Variants in ESYT3 observed in about 807,000 individuals in gnomAD.
The protein encoded by ESYT3 is extended synaptotagmin 3.
In ESYT3, 101 loss-of-function variants were observed where a neutral mutation model predicts 111.5. That is an observed-to-expected ratio of 0.91 (90% CI 0.77 to 1.07). ESYT3 has a LOEUF of 1.07. Among genes scored for constraint, ESYT3 ranks in the 50% least tolerant of loss-of-function variants. The pLI, the probability that ESYT3 is intolerant of heterozygous loss-of-function variation, is 0.00. For synonymous variants in ESYT3, 416 were observed against 446.8 expected (o/e 0.93, Z 0.87); for missense variants, 1,097 against 1,109.4 (o/e 0.99, Z 0.16).
intron 1 of ESYT3, among the ~76,000 whole-genome samples, chr3:138,444,201 C>T (rs1331317829): frequency 6.6e-6 from 1 of 152,180 alleles, no homozygotes; most frequent in African/African-American, 2.4e-5. Context: ...TATTAGATCA[C>T]TTTGCCTGGA....
intron 14 of ESYT3, 197 bp from the exon 15 acceptor site, chr3:138,469,239 T>G (rs1038584143): frequency 1.7e-6 from 1 of 603,370 alleles, no homozygotes; most frequent in Admixed American, 3.0e-5. Context: ...GGAACTGCTT[T>G]CTGGGGTTGG....
rs1208019430 is a variant in ESYT3, at chr3:138,435,208, CGCGCAAACCCGAGGCAGG to C, written c.327+87_327+104del. On this transcript the variant is annotated intron_variant, in intron 1 of 22. Coordinates refer to ENST00000389567, the MANE Select transcript of ESYT3 (RefSeq NM_031913.5). This position sits in a 1 kb window ranked among gnomAD's most constrained non-coding sequence, Gnocchi z 4.8. ...ACTTGCGGTCAGCGGGGAGCTGGTG[CGCGCAAACCCGAGGCAGG>C]GCGGGAGCCCGGCGACCTGCACACC... The C allele has an allele frequency of 1.3e-5, 18 of 1,339,644 alleles. No homozygotes were observed. The highest frequency in any genetic ancestry group is 1.8e-5 in the Non-Finnish European group (18 of 999,394). 83.0% of individuals were successfully genotyped at this position (1,339,644 alleles called of 1,614,324 possible).
downstream of ESYT3, chr3:138,481,212 A>G (rs2033682233): frequency 6.6e-6 from 1 of 152,212 alleles, no homozygotes; most frequent in African/African-American, 2.4e-5. Context: ...AAGACCACAC[A>G]TCTCTCCGTG....
chr3:138,468,684 C>T lies in ESYT3; in HGVS notation c.1338C>T (p.Leu446=), dbSNP rs745314391. The change falls in exon 13 of 23, where the codon CTC becomes CTT. Residue 446 remains leucine (L), a synonymous_variant. Transcript: ENST00000389567. ...EDHGGLSTAI[L]VVFLESACNL... ...ATGGTGGCCTTTCCACTGCCATTCT[C>T]GTGGTCTTCTTGGAGAGTGCCTGCA... 1.7e-5 allele frequency: 28 copies of T among 1,614,020 alleles called. No individual in the cohort carries two copies. Among genetic ancestry groups the T allele is most frequent in the African/African-American group, 6.7e-5 (5 of 74,894 alleles).
intron 2 of ESYT3, among the ~76,000 whole-genome samples, chr3:138,453,969 T>C (rs1353152606): frequency 1.3e-5 from 2 of 152,354 alleles, no homozygotes; most frequent in Admixed American, 6.5e-5. Context: ...CCCCGCTGTG[T>C]GCTACCATGC....
rs1177396818 is a variant in ESYT3 at position 138,440,878 on chromosome 3, G to C, written c.327+5753G>C. Among the ~76,000 whole-genome samples, 1 of 152,194 alleles carries C rather than the reference G, an allele frequency of 6.6e-6. No individual in the cohort carries two copies. The highest frequency in any genetic ancestry group is 2.4e-5 in the African/African-American group (1 of 41,436). On this transcript the variant is annotated intron_variant, in intron 1 of 22. Transcript: ENST00000389567. This position sits in a 1 kb window ranked among gnomAD's most constrained non-coding sequence, Gnocchi z 4.2. ...TTATCGAGAACTTGCAGTGTGTCAG[G>C]CACAGAGCTGCAGGCGGGGCAGCAT...
At position 138,436,566 on chromosome 3, in the gene ESYT3, T is replaced by C. The variant is rs892238400; in HGVS notation, c.327+1441T>C. Among the ~76,000 whole-genome samples the C allele has an allele frequency of 4.6e-5, 7 of 152,234 alleles. No individual in the cohort carries two copies. The East Asian group carries it at 1.3e-3, about 29-fold the overall frequency. On this transcript the variant is annotated intron_variant, in intron 1 of 22. Transcript: ENST00000389567. ...GCAAATAGCTTACATATTTGGGGGA[T>C]GAGGGGCCAAAGACTCTTCCTGATA...
At position 138,434,842 on chromosome 3, in the gene ESYT3, TGGGAGCCCAGCGCACGCCGGGCCCCGA is replaced by T. The variant is rs2030503042; in HGVS notation, c.46_72del (p.Gly16_Glu24del). 5 of 1,552,206 alleles carry T rather than the reference TGGGAGCCCAGCGCACGCCGGGCCCCGA, an allele frequency of 3.2e-6. No individual in the cohort carries two copies. The highest frequency in any genetic ancestry group is 4.4e-6 in the Non-Finnish European group (5 of 1,148,702). ...TGCGCCCCCGGGGCCCCCAGCGCCC[TGGGAGCCCAGCGCACGCCGGGCCCCGA>T]GCTGCGCCTGTCCAGCCAGCTGCTG... On this transcript the variant is annotated inframe_deletion, in exon 1 of 23. Transcript: ENST00000389567.
intron 14 of ESYT3, chr3:138,469,233 C>T (rs1477480223): frequency 3.3e-6 from 2 of 600,712 alleles, no homozygotes; most frequent in Non-Finnish European, 5.9e-6. Flanking sequence ...TAACTTGGAA[C>T]TGCTTTCTGG....
chr3:138,470,929 G>A lies in ESYT3; in HGVS notation c.1643G>A (p.Cys548Tyr). Residue 548 changes from cysteine (C) to tyrosine (Y), a missense_variant, in exon 17 of 23, where the codon TGC becomes TAC. By Grantham distance (194) the Cys-to-Tyr change is radical. Transcript: ENST00000389567. ...CTGGGAATGCTGGAGGTCCCCCTGT[G>A]CCAGATCCTCCCCTATGCTGACCTC... ...CALGMLEVPL[C>Y]QILPYADLTL... 1 of 1,614,120 alleles carries A rather than the reference G, an allele frequency of 6.2e-7. No individual in the cohort carries two copies. The highest frequency in any genetic ancestry group is 8.5e-7 in the Non-Finnish European group (1 of 1,180,026).
At chr3:138,437,588 A>C (rs1379198649) in intron 1 of ESYT3, among the ~76,000 whole-genome samples, 2 of 152,142 alleles carry the variant, frequency 1.3e-5, no homozygotes, top group African/African-American at 4.8e-5. Context: ...AAGTTGAGGC[A>C]GACTTGATGG....
intron 9 of ESYT3, among the ~76,000 whole-genome samples, chr3:138,464,736 A>C (rs1484747590): frequency 6.6e-6 from 1 of 152,176 alleles, no homozygotes; most frequent in Non-Finnish European, 1.5e-5. Context: ...ACTTTGTTAG[A>C]AGTTAACAAA....
chr3:138,460,412 G>A (rs529933060), intron 6 of ESYT3, among the ~76,000 whole-genome samples, 199 bp from the exon 7 acceptor site: 1 of 152,154 alleles, frequency 6.6e-6, no homozygotes, highest in African/African-American at 2.4e-5. Flanking sequence ...CCTCGATACC[G>A]CTAGATGCCT....
chr3:138,447,643 G>T (rs1302481234), intron 1 of ESYT3, among the ~76,000 whole-genome samples: 1 of 152,090 alleles, frequency 6.6e-6, no homozygotes, highest in Non-Finnish European at 1.5e-5. Context: ...GAGAATCAAT[G>T]AACAATTAGA....
chr3:138,470,881 TTGA>T lies in ESYT3; in HGVS notation c.1602_1604del (p.Asp535del), dbSNP rs756253533. 1 of 1,614,106 alleles carries T rather than the reference TTGA, an allele frequency of 6.2e-7. No individual in the cohort carries two copies. Among genetic ancestry groups the T allele is most frequent in the Non-Finnish European group, 8.5e-7 (1 of 1,180,010 alleles). ...TGTGACTGGACCACTGCCCAGGTGCTTGATGATGACCAGGAGTGTGCTCTGGGA... is the reference window on the plus strand; with the variant it reads ...TGTGACTGGACCACTGCCCAGGTGCTTGATGACCAGGAGTGTGCTCTGGGA... On this transcript the variant is annotated inframe_deletion, in exon 17 of 23. Coordinates refer to ENST00000389567, the MANE Select transcript of ESYT3 (RefSeq NM_031913.5).
intron 19 of ESYT3, among the ~76,000 whole-genome samples, chr3:138,473,887 G>A (rs942008808): frequency 5.3e-5 from 8 of 152,224 alleles, no homozygotes; most frequent in Admixed American, 4.6e-4. Context: ...AAGACTGTCT[G>A]GAGTGGCTGG....
chr3:138,470,622 G>GC lies in ESYT3; in HGVS notation c.1591-250dup, dbSNP rs1217862039. ...GCAGCACAGCTCATCAGTCCCCAAA[G>GC]CCCCCTGGCTCTGGGCATTTGACAG... On this transcript the variant is annotated intron_variant, in intron 16 of 22. Transcript: ENST00000389567. 7.2e-6 allele frequency: 9 copies of GC among 1,253,210 alleles called. No homozygotes were observed. In the African/African-American group the frequency reaches 1.2e-4, roughly 17 times the overall value. The allele number at this position is 1,253,210 out of a possible 1,614,324, so 77.6% of individuals were successfully genotyped here.
At chr3:138,437,147 G>A (rs1040229790) in intron 1 of ESYT3, among the ~76,000 whole-genome samples, 1 of 152,140 alleles carries the variant, frequency 6.6e-6, no homozygotes, top group Non-Finnish European at 1.5e-5. Flanking sequence ...GGAAGGTGAT[G>A]CTCTCTGTCC....
In ESYT3 at chr3:138,472,518, C is replaced by G; in HGVS notation, c.1896C>G (p.Asp632Glu). ...EGPTDLPCPP[D>E]PASDTKDVSR... Reference sequence around the variant, plus strand: ...CTACAGATTTGCCATGTCCCCCAGACCCTGCTTCTGATACTAAGGACGTAT... The same window carrying G: ...CTACAGATTTGCCATGTCCCCCAGAGCCTGCTTCTGATACTAAGGACGTAT... The change falls in exon 18 of 23, where the codon GAC becomes GAG. Residue 632 changes from aspartate (D) to glutamate (E), a missense_variant. Coordinates refer to ENST00000389567, the MANE Select transcript of ESYT3 (RefSeq NM_031913.5). 1 of 1,614,248 alleles carries G rather than the reference C, an allele frequency of 6.2e-7. No homozygotes were observed. The highest frequency in any genetic ancestry group is 8.5e-7 in the Non-Finnish European group (1 of 1,180,050).
Sources: allele counts gnomAD v4.1 joint callset (sites outside exome capture counted in the v4.1 genomes callset), GRCh38; gene constraint gnomAD v4.1.1; non-coding constraint Gnocchi (gnomAD v3.1); transcripts MANE v1.5; gene names NCBI Gene and HGNC (gene_info 2026-07-23, HGNC 2026-07-21).